The following PML variants were observed in gnomAD, a reference collection of about 807,000 sequenced individuals.
The protein encoded by PML is PML nuclear body scaffold.
In PML, 28 loss-of-function variants were observed where a neutral mutation model predicts 65.2. The ratio of observed to expected loss-of-function variants is 0.43; its 90% CI spans 0.32 to 0.59. The LOEUF (loss-of-function observed/expected upper bound fraction) is 0.59. PML is among the 20% of genes least tolerant of loss of function. The pLI is 0.08. For synonymous variants in PML, 500 were observed against 508.8 expected (o/e 0.98, Z 0.23); for missense variants, 1,021 against 1,203.4 (o/e 0.85, Z 2.24).
intron 2 of PML, among the ~76,000 whole-genome samples, chr15:74,021,469 C>A (rs1240124652): frequency 6.6e-6 from 1 of 152,074 alleles, no homozygotes; most frequent in Non-Finnish European, 1.5e-5. Context: ...CTTGTAATCC[C>A]AGCTACTCGG....
At chr15:74,016,533 G>C (rs186698366) in intron 2 of PML, among the ~76,000 whole-genome samples, 13 of 152,030 alleles carry the variant, frequency 8.6e-5, no homozygotes, top group Admixed American at 7.9e-4. Flanking sequence ...GTTCCCCATT[G>C]CTTCCTATTT....
intron 7 of PML, among the ~76,000 whole-genome samples, chr15:74,038,901 C>A (rs1005578946): frequency 6.6e-6 from 1 of 152,212 alleles, no homozygotes; most frequent in African/African-American, 2.4e-5. Flanking sequence ...AGGGCATAGT[C>A]ATGGGGTGGA....
chr15:74,036,469 T>G, intron 7 of PML: 1 of 1,238,956 alleles, frequency 8.1e-7, no homozygotes, highest in Non-Finnish European at 1.0e-6. Context: ...TGTTCTCTCT[T>G]CCCTATGCTG....
chr15:74,035,674 GCTC>G lies in PML; in HGVS notation c.1710+1149_1710+1151del. ...CGATCCCGCAGCCGCTCCCTCCGGG[GCTC>G]CTCCCATTTATCCCAGTGGCTCAAC... is the stretch of plus-strand genomic sequence containing the variant. On this transcript the variant is annotated intron_variant, in intron 7 of 8. Coordinates refer to ENST00000268058, the MANE Select transcript of PML (RefSeq NM_033238.3). The surrounding 1 kb of genome is among the most constrained non-coding windows in gnomAD (Gnocchi z 4.1). 6.2e-7 allele frequency: 1 copy of G among 1,614,050 alleles called. No individual in the cohort carries two copies. The highest frequency in any genetic ancestry group is 1.3e-5 in the African/African-American group (1 of 75,026).
rs779366174 is a variant in PML at position 74,045,018 on chromosome 15, G to A, written c.*10G>A. The stretch of plus-strand genomic sequence containing the variant: ...CTCCCAGCAGAGCTGAGAGGAGGGG[G>A]TGACCAGCTTGGAGTCTCTGGTGGG... On this transcript the variant is annotated 3_prime_UTR_variant, in exon 9 of 9. Coordinates refer to ENST00000268058, the MANE Select transcript of PML (RefSeq NM_033238.3). 13 of 1,589,238 alleles carry A rather than the reference G, an allele frequency of 8.2e-6. No individual in the cohort carries two copies. Among genetic ancestry groups the A allele is most frequent in the Non-Finnish European group, 1.1e-5 (13 of 1,171,658 alleles).
At chr15:74,023,709 C>G (rs1354923930) in intron 3 of PML, among the ~76,000 whole-genome samples, 1 of 152,122 alleles carries the variant, frequency 6.6e-6, no homozygotes, top group Non-Finnish European at 1.5e-5. Flanking sequence ...AGAATCAGAC[C>G]CAGTATCATT....
At chr15:74,000,013 T>G (rs1194222507) in intron 2 of PML, among the ~76,000 whole-genome samples, 3 of 152,074 alleles carry the variant, frequency 2.0e-5, no homozygotes, top group African/African-American at 4.8e-5. Context: ...TTTTTGGCAT[T>G]TTTAGTAGAG....
chr15:74,024,982 G>C (rs1391816667), intron 4 of PML, 55 bp downstream of exon 4: 1 of 1,176,456 alleles, frequency 8.5e-7, no homozygotes, highest in African/African-American at 1.5e-5. Flanking sequence ...AGGTCAGGCA[G>C]GTTGTGAGTC....
In PML at chr15:73,998,283, G is replaced by C; in HGVS notation, c.409G>C (p.Asp137His). ...AVCTRCKESA[D>H]FWCFECEQLL... ...GTGCACCCGCTGCAAAGAGTCGGCCGACTTCTGGTGCTTTGAGTGCGAGCA... is the reference window on the plus strand; with the variant it reads ...GTGCACCCGCTGCAAAGAGTCGGCCCACTTCTGGTGCTTTGAGTGCGAGCA... The change falls in exon 2 of 9, where the codon GAC (aspartate) becomes CAC (histidine). Residue 137 changes from aspartate (D) to histidine (H), a missense_variant. Transcript: ENST00000268058. 1 of 1,614,224 alleles carries C rather than the reference G, an allele frequency of 6.2e-7. No homozygotes were observed. The highest frequency in any genetic ancestry group is 8.5e-7 in the Non-Finnish European group (1 of 1,180,036).
At position 74,043,269 on chromosome 15, in the gene PML, G is replaced by A; in HGVS notation, c.1861+130G>A. 6.3e-7 allele frequency: 1 copy of A among 1,575,356 alleles called. No individual in the cohort carries two copies. The highest frequency in any genetic ancestry group is 8.6e-7 in the Non-Finnish European group (1 of 1,162,772). ...CTGGCCAACAACTGCAGCCAGGCTG[G>A]GCAGAGCACTCCGGCTCACCTGGGC... On this transcript the variant is annotated intron_variant, in intron 8 of 8. Transcript: ENST00000268058. The surrounding 1 kb of genome is among the most constrained non-coding windows in gnomAD (Gnocchi z 4.3).
chr15:74,008,290 C>T (rs2070159375), intron 2 of PML, among the ~76,000 whole-genome samples: 1 of 152,178 alleles, frequency 6.6e-6, no homozygotes, highest in African/African-American at 2.4e-5. Flanking sequence ...ATGTGGCAGG[C>T]TTGGAAGGAG....
intron 2 of PML, among the ~76,000 whole-genome samples, chr15:74,012,536 C>G (rs2070382199): frequency 6.6e-6 from 1 of 152,104 alleles, no homozygotes; most frequent in South Asian, 2.1e-4. Flanking sequence ...TCTCGAACTC[C>G]TGATTTCAGG....
chr15:74,006,076 A>T (rs2070031621), intron 2 of PML, among the ~76,000 whole-genome samples: 1 of 152,094 alleles, frequency 6.6e-6, no homozygotes, highest in South Asian at 2.1e-4. Context: ...TGTAAATTAG[A>T]CTAACAAGAT....
intron 7 of PML, chr15:74,036,421 A>C: frequency 2.3e-6 from 3 of 1,293,184 alleles, no homozygotes; most frequent in Non-Finnish European, 3.0e-6. Flanking sequence ...TTCCACGACC[A>C]TCGCGTTCTC....
intron 8 of PML, 56 bp from the exon 9 acceptor site, chr15:74,044,165 C>T (rs972252597): frequency 3.2e-6 from 5 of 1,577,228 alleles, no homozygotes; most frequent in Middle Eastern, 1.7e-4. Context: ...CCCCTGCTCC[C>T]ACCCCAGAGC....
chr15:74,032,858 C>A (rs2071383908), intron 5 of PML, 143 bp downstream of exon 5: 4 of 922,410 alleles, frequency 4.3e-6, no homozygotes, highest in Non-Finnish European at 5.2e-6. Context: ...TCTCTGTGCT[C>A]TCCCCTGTTC....
chr15:74,000,243 G>T (rs2069699349), intron 2 of PML, among the ~76,000 whole-genome samples: 1 of 152,190 alleles, frequency 6.6e-6, no homozygotes. Flanking sequence ...TCAAGTCTCT[G>T]ATATAAAATG....
At chr15:73,994,967 G>C (rs895558554) in intron 1 of PML, 26 bp downstream of exon 1, 37 of 1,510,688 alleles carry the variant, frequency 2.4e-5, no homozygotes, top group Non-Finnish European at 3.2e-5. Context: ...GGGATGATGG[G>C]GTTAAGCTTT....
At chr15:74,017,599 A>C (rs2070653219) in intron 2 of PML, among the ~76,000 whole-genome samples, 1 of 152,152 alleles carries the variant, frequency 6.6e-6, no homozygotes, top group Non-Finnish European at 1.5e-5. Context: ...CAATGAGTTG[A>C]GATCACGCCA....
Sources: allele counts gnomAD v4.1 joint callset (sites outside exome capture counted in the v4.1 genomes callset), GRCh38; gene constraint gnomAD v4.1.1; non-coding constraint Gnocchi (gnomAD v3.1); transcripts MANE v1.5; gene names NCBI Gene and HGNC (gene_info 2026-07-23, HGNC 2026-07-21).